Variants in SLC1A2 observed in about 807,000 individuals in gnomAD.
SLC1A2 encodes the protein excitatory amino acid transporter 2.
A neutral mutation model predicts 48.8 loss-of-function variants in SLC1A2; 15 were observed. That is an observed-to-expected ratio of 0.31 (90% CI 0.21 to 0.47). The LOEUF (loss-of-function observed/expected upper bound fraction) is 0.47, where lower values mean the gene tolerates loss of function less well. Among genes scored for constraint, SLC1A2 ranks in the 20% least tolerant of loss-of-function variants. The probability of loss-of-function intolerance (pLI) is 0.99; values close to 1 mark genes in which losing one functional copy is unlikely to be tolerated. For missense variants in SLC1A2, 502 were observed against 730.5 expected (o/e 0.69, Z 3.61); for synonymous variants, 279 against 272.6 (o/e 1.02, Z -0.23).
At chr11:35,393,144 T>C (rs1164795635) in intron 1 of SLC1A2, among the ~76,000 whole-genome samples, 2 of 152,088 alleles carry the variant, frequency 1.3e-5, no homozygotes, top group Admixed American at 6.6e-5. Flanking sequence ...AGGTGTCCCA[T>C]GTGAAGGTTT....
chr11:35,338,929 G>C (rs533667397), intron 1 of SLC1A2, among the ~76,000 whole-genome samples: 5 of 152,284 alleles, frequency 3.3e-5, no homozygotes, highest in Admixed American at 2.0e-4. Context: ...CAAGATGAAG[G>C]GGTCAGCATC....
chr11:35,314,800 T>C (rs371234185), intron 3 of SLC1A2, among the ~76,000 whole-genome samples: 1 of 146,488 alleles, frequency 6.8e-6, no homozygotes, highest in Non-Finnish European at 1.5e-5. Flanking sequence ...TTTTTTTTTC[T>C]TTTTTTTGCT....
chr11:35,282,263 G>T (rs1242308521), intron 8 of SLC1A2, among the ~76,000 whole-genome samples: 1 of 152,100 alleles, frequency 6.6e-6, no homozygotes, highest in Non-Finnish European at 1.5e-5. Flanking sequence ...ATCCATCTGG[G>T]TCACAGGAGG....
chr11:35,407,450 T>A (rs1855332921), intron 1 of SLC1A2, among the ~76,000 whole-genome samples: 1 of 152,224 alleles, frequency 6.6e-6, no homozygotes, highest in African/African-American at 2.4e-5. Context: ...AACAGGCTTA[T>A]AGCACACCTG....
chr11:35,284,139 A>G (rs1312378150), intron 8 of SLC1A2, among the ~76,000 whole-genome samples: 1 of 142,684 alleles, frequency 7.0e-6, no homozygotes, highest in East Asian at 2.0e-4. Context: ...CCAACAGTAT[A>G]GTATAGTGGA....
At chr11:35,275,551 C>T (rs191287239) in intron 9 of SLC1A2, among the ~76,000 whole-genome samples, 33 of 152,296 alleles carry the variant, frequency 2.2e-4, no homozygotes, top group Admixed American at 2.0e-3. Flanking sequence ...CTCTGGGACT[C>T]GGCATTTTTC....
At position 35,382,523 on chromosome 11, in the gene SLC1A2, C is replaced by T. The variant is rs534331262; in HGVS notation, c.17+36427G>A. Among the ~76,000 whole-genome samples, 8 of 152,290 alleles carry T rather than the reference C, an allele frequency of 5.3e-5. No homozygotes were observed. The East Asian group carries it at 9.6e-4, about 18-fold the overall frequency. On this transcript the variant is annotated intron_variant, in intron 1 of 10. Coordinates refer to ENST00000278379, the MANE Select transcript of SLC1A2 (RefSeq NM_004171.4). ...TTAACATTCCTCCTAAGGCTGGGTG[C>T]GGTGGCTCACGCCTATAATCCCAGC...
intron 1 of SLC1A2, among the ~76,000 whole-genome samples, chr11:35,374,657 T>G (rs1017569805): frequency 2.0e-5 from 3 of 152,208 alleles, no homozygotes; most frequent in African/African-American, 7.2e-5. Flanking sequence ...ATTCAAAGGG[T>G]TGGTTGGACA....
intron 1 of SLC1A2, among the ~76,000 whole-genome samples, chr11:35,363,727 G>A (rs988681229): frequency 1.7e-4 from 26 of 152,208 alleles, no homozygotes; most frequent in African/African-American, 6.3e-4. Flanking sequence ...AGGACACGTG[G>A]CTGACAAGGT....
At chr11:35,306,310 G>A in intron 4 of SLC1A2, 68 bp from the exon 5 acceptor site, 5 of 1,237,312 alleles carry the variant, frequency 4.0e-6, no homozygotes, top group South Asian at 2.9e-5. Flanking sequence ...AAAAAAGATT[G>A]GCTACTCATA....
intron 3 of SLC1A2, among the ~76,000 whole-genome samples, chr11:35,313,729 A>G (rs184589029): frequency 6.2e-4 from 95 of 152,316 alleles, no homozygotes; most frequent in African/African-American, 2.1e-3. Flanking sequence ...TGGTTTATAG[A>G]GGAGCACTGA....
At chr11:35,364,667 T>TA (rs1381816382) in intron 1 of SLC1A2, among the ~76,000 whole-genome samples, 1 of 152,176 alleles carries the variant, frequency 6.6e-6, no homozygotes, top group Non-Finnish European at 1.5e-5. Flanking sequence ...TCTTCATATG[T>TA]AAAATGGAGA....
chr11:35,264,308 T>C (rs1565199255), intron 10 of SLC1A2, among the ~76,000 whole-genome samples: 1 of 152,234 alleles, frequency 6.6e-6, no homozygotes, highest in Non-Finnish European at 1.5e-5. Flanking sequence ...AGCCACAGTA[T>C]GTATTTGTAA....
At chr11:35,276,010 A>G (rs1385857892) in intron 9 of SLC1A2, among the ~76,000 whole-genome samples, 1 of 152,202 alleles carries the variant, frequency 6.6e-6, no homozygotes, top group African/African-American at 2.4e-5. Context: ...ACAAACAGCT[A>G]CACACATTTT....
chr11:35,355,326 T>A (rs929890990), intron 1 of SLC1A2, among the ~76,000 whole-genome samples: 1 of 152,220 alleles, frequency 6.6e-6, no homozygotes, highest in African/African-American at 2.4e-5. Context: ...CAGAGAGACC[T>A]GACTTCCCTC....
At chr11:35,405,449 A>C (rs1419789920) in intron 1 of SLC1A2, among the ~76,000 whole-genome samples, 1 of 151,826 alleles carries the variant, frequency 6.6e-6, no homozygotes, top group African/African-American at 2.4e-5. Context: ...AATGTAATTG[A>C]AAAATCTGCT....
intron 1 of SLC1A2, among the ~76,000 whole-genome samples, chr11:35,361,124 C>T (rs1318547089): frequency 6.6e-6 from 1 of 152,100 alleles, no homozygotes; most frequent in African/African-American, 2.4e-5. Flanking sequence ...GATTCACCTG[C>T]CTCAGCCTCG....
intron 1 of SLC1A2, among the ~76,000 whole-genome samples, chr11:35,351,344 C>A (rs1036418700): frequency 4.6e-5 from 7 of 152,220 alleles, no homozygotes; most frequent in Non-Finnish European, 8.8e-5. Flanking sequence ...ACCAGAACAT[C>A]TCTGCTTTCC....
chr11:35,408,551 G>A, intron 1 of SLC1A2, among the ~76,000 whole-genome samples: 1 of 152,160 alleles, frequency 6.6e-6, no homozygotes, highest in Non-Finnish European at 1.5e-5. Context: ...TGAATCGGAG[G>A]CCTCCTCAGC....
Sources: gnomAD v4.1 joint callset for allele counts (sites outside exome capture counted in the v4.1 genomes callset) on GRCh38, gnomAD v4.1.1 for gene constraint, MANE v1.5 for transcripts, NCBI Gene and HGNC (gene_info 2026-07-23, HGNC 2026-07-21) for gene names.